Variants in CDH20 observed in about 807,000 individuals in gnomAD.
CDH20 encodes cadherin-20.
CDH20 carries 29 observed loss-of-function variants against 74.2 expected under a neutral mutation model. The ratio of observed to expected loss-of-function variants is 0.39; its 90% CI spans 0.29 to 0.53. The LOEUF (loss-of-function observed/expected upper bound fraction) is 0.53. Among genes scored for constraint, CDH20 ranks in the 20% least tolerant of loss-of-function variants. The probability of loss-of-function intolerance (pLI) is 0.69; values close to 1 mark genes in which losing one functional copy is unlikely to be tolerated. For missense variants in CDH20, 988 were observed against 1,048.3 expected (o/e 0.94, Z 0.79); for synonymous variants, 469 against 405.4 (o/e 1.16, Z -1.88).
At chr18:61,529,788 G>C (rs971072545) in intron 7 of CDH20, among the ~76,000 whole-genome samples, 1 of 152,188 alleles carries the variant, frequency 6.6e-6, no homozygotes, top group African/African-American at 2.4e-5. Flanking sequence ...CTGGCATGAA[G>C]TAAAATGAGG....
At chr18:61,491,069 T>A (rs1280336517) in intron 2 of CDH20, among the ~76,000 whole-genome samples, 1 of 152,148 alleles carries the variant, frequency 6.6e-6, no homozygotes, top group Non-Finnish European at 1.5e-5. Context: ...CAAGAGCTAT[T>A]CAAGTCCTAA....
intron 5 of CDH20, among the ~76,000 whole-genome samples, chr18:61,504,915 A>G (rs1911506887): frequency 6.6e-6 from 1 of 151,966 alleles, no homozygotes; most frequent in Admixed American, 6.6e-5. Context: ...CATTTCACAA[A>G]GGGTGCAAGT....
chr18:61,553,807 T>G (rs1913520422), intron 11 of CDH20, among the ~76,000 whole-genome samples: 1 of 152,140 alleles, frequency 6.6e-6, no homozygotes, highest in Non-Finnish European at 1.5e-5. Context: ...TTTCATCATA[T>G]AAACAGAGCA....
intron 1 of CDH20, among the ~76,000 whole-genome samples, chr18:61,392,844 C>T (rs978776586): frequency 1.4e-4 from 21 of 150,078 alleles, no homozygotes; most frequent in Non-Finnish European, 3.0e-4. Flanking sequence ...ATGAAAGCAG[C>T]AAGGTATTTT....
intron 1 of CDH20, among the ~76,000 whole-genome samples, chr18:61,336,402 T>TGTAC (rs903317596): frequency 6.6e-6 from 1 of 152,226 alleles, no homozygotes; most frequent in African/African-American, 2.4e-5. Context: ...GAGACTCAGA[T>TGTAC]GTACCCTCTA....
chr18:61,527,903 A>T, intron 6 of CDH20, 64 bp from the exon 7 acceptor site: 3 of 1,532,666 alleles, frequency 2.0e-6, no homozygotes, highest in Non-Finnish European at 1.8e-6. Context: ...ATCCTTTTGA[A>T]CGTTGACATA....
intron 1 of CDH20, among the ~76,000 whole-genome samples, chr18:61,448,075 A>G (rs1046568642): frequency 6.6e-6 from 1 of 152,218 alleles, no homozygotes; most frequent in African/African-American, 2.4e-5. Flanking sequence ...CATCGGTAAA[A>G]TGAAGGTAAA....
intron 1 of CDH20, among the ~76,000 whole-genome samples, chr18:61,338,082 C>T (rs1404534883): frequency 1.3e-5 from 2 of 152,162 alleles, no homozygotes; most frequent in Non-Finnish European, 1.5e-5. Context: ...ACTATCTTTA[C>T]TAACCTTTAG....
intron 1 of CDH20, among the ~76,000 whole-genome samples, chr18:61,470,563 C>T (rs1910132992): frequency 6.6e-6 from 1 of 151,656 alleles, no homozygotes; most frequent in Non-Finnish European, 1.5e-5. Context: ...GAGATGCCTG[C>T]TCATTCACGC....
At position 61,518,691 on chromosome 18, in the gene CDH20, C is replaced by G. The variant is rs750376039; in HGVS notation, c.1018-9276C>G. Reference sequence around the variant, plus strand: ...AACAGCACAAAAAGGCTGAAAATTCCAAAAACCAGAATGCCTCTTCTTCTC... The same window carrying G: ...AACAGCACAAAAAGGCTGAAAATTCGAAAAACCAGAATGCCTCTTCTTCTC... On this transcript the variant is annotated intron_variant, in intron 6 of 11. Transcript: ENST00000262717. Among the ~76,000 whole-genome samples, 29 of 151,190 alleles carry G rather than the reference C, an allele frequency of 1.9e-4. 1 individual carries two copies. The highest frequency in any genetic ancestry group is 4.1e-4 in the Non-Finnish European group (28 of 67,950).
chr18:61,527,962 T>G lies in CDH20; in HGVS notation c.1018-5T>G, dbSNP rs766054850. 8 of 1,613,880 alleles carry G rather than the reference T, an allele frequency of 5.0e-6. No homozygotes were observed. The highest frequency in any genetic ancestry group is 5.9e-6 in the Non-Finnish European group (7 of 1,179,832). Reference sequence around the variant, plus strand: ...CGAATCAATTTTCCTGTCATTGCTTTTCAGCCCCTGAGTTTTGAAAGCAAG... The same window carrying G: ...CGAATCAATTTTCCTGTCATTGCTTGTCAGCCCCTGAGTTTTGAAAGCAAG... On this transcript the variant is annotated splice_polypyrimidine_tract_variant and splice_region_variant and intron_variant, in intron 6 of 11. Coordinates refer to ENST00000262717, the MANE Select transcript of CDH20 (RefSeq NM_031891.4).
intron 9 of CDH20, among the ~76,000 whole-genome samples, chr18:61,544,674 TCTC>T (rs1913168551): frequency 6.6e-6 from 1 of 151,946 alleles, no homozygotes; most frequent in Admixed American, 6.6e-5. Flanking sequence ...GTGCTCCTCT[TCTC>T]CTCTCAACAT....
intron 1 of CDH20, among the ~76,000 whole-genome samples, chr18:61,356,795 G>A (rs956855385): frequency 1.3e-5 from 2 of 152,188 alleles, no homozygotes; most frequent in African/African-American, 4.8e-5. Context: ...GATTTACAAT[G>A]ATGAGGATAA....
At chr18:61,402,298 C>T (rs531465485) in intron 1 of CDH20, among the ~76,000 whole-genome samples, 1 of 152,152 alleles carries the variant, frequency 6.6e-6, no homozygotes, top group African/African-American at 2.4e-5. Flanking sequence ...TCATTCTTCA[C>T]CCTGCTGTAA....
chr18:61,553,482 G>A (rs530723757), intron 11 of CDH20, among the ~76,000 whole-genome samples: 3 of 152,162 alleles, frequency 2.0e-5, no homozygotes, highest in Non-Finnish European at 4.4e-5. Context: ...ATAACATGAT[G>A]AATTATATAA....
intron 6 of CDH20, among the ~76,000 whole-genome samples, chr18:61,514,055 A>G (rs1386003005): frequency 6.6e-6 from 1 of 152,128 alleles, no homozygotes; most frequent in East Asian, 1.9e-4. Flanking sequence ...CTGCCTTGCT[A>G]GATTGGGGAA....
intron 1 of CDH20, among the ~76,000 whole-genome samples, chr18:61,436,952 T>G (rs900236622): frequency 1.1e-4 from 16 of 152,134 alleles, no homozygotes; most frequent in African/African-American, 3.9e-4. Context: ...TTCCTTTGCG[T>G]GTAAATGAAG....
intron 1 of CDH20, among the ~76,000 whole-genome samples, chr18:61,456,577 G>A (rs2144349328): frequency 6.6e-6 from 1 of 152,066 alleles, no homozygotes; most frequent in East Asian, 1.9e-4. Flanking sequence ...AAGATGTATT[G>A]GGAGCAAAAC....
Position 61,490,709 on chromosome 18 carries a change from G to T in CDH20, c.156G>T (p.Gln52His), listed in dbSNP as rs1482424486. 3 of 1,614,182 alleles carry T rather than the reference G, an allele frequency of 1.9e-6. No homozygotes were observed. Among genetic ancestry groups the T allele is most frequent in the Non-Finnish European group, 2.5e-6 (3 of 1,180,048 alleles). Residue 52 changes from glutamine to histidine, a missense_variant, in exon 2 of 12, where the codon CAG becomes CAT. Physicochemically the swap from Gln to His is conservative, Grantham distance 24 (BLOSUM62 0). Around this residue, in one of 2 missense-constraint regions of CDH20, gnomAD observed 613 missense variants for 755.2 expected, o/e 0.81. Coordinates refer to ENST00000262717, the MANE Select transcript of CDH20 (RefSeq NM_031891.4). ...AAGCACTCCTGTCAGACAAGCCACAGTCACATCAGCGGACCAAGAGGAGCT... is the reference window on the plus strand; with the variant it reads ...AAGCACTCCTGTCAGACAAGCCACATTCACATCAGCGGACCAAGAGGAGCT... ...ELEALLSDKP[Q>H]SHQRTKRSWV...
Sources: gnomAD v4.1 joint callset for allele counts (sites outside exome capture counted in the v4.1 genomes callset) on GRCh38, gnomAD v4.1.1 for gene constraint, gnomAD v4.1.1 regional missense constraint, MANE v1.5 for transcripts, NCBI Gene and HGNC (gene_info 2026-07-23, HGNC 2026-07-21) for gene names.